Variants in TAF3 observed in about 807,000 individuals in gnomAD.
TAF3 encodes TATA-box binding protein associated factor 3, also known as transcription initiation factor TFIID subunit 3.
A neutral mutation model predicts 80.6 loss-of-function variants in TAF3; 7 were observed. That is an observed-to-expected ratio of 0.09 (90% CI 0.05 to 0.16). The LOEUF is 0.16. TAF3 is among the 10% of genes least tolerant of loss of function. TAF3 has a pLI of 1.00. For missense variants in TAF3, 921 were observed against 1,140.2 expected (o/e 0.81, Z 2.77); for synonymous variants, 444 against 446.1 (o/e 1.00, Z 0.06).
At chr10:8,006,226 A>G (rs1831992326) in intron 4 of TAF3, among the ~76,000 whole-genome samples, 1 of 144,970 alleles carries the variant, frequency 6.9e-6, no homozygotes. Context: ...ACACACACAA[A>G]TTAGCTGGGC....
chr10:7,951,449 G>A (rs565453569), intron 2 of TAF3, among the ~76,000 whole-genome samples: 6 of 152,244 alleles, frequency 3.9e-5, no homozygotes, highest in South Asian at 2.1e-4. Context: ...TCATCACCCC[G>A]CAGGCTAACC....
At chr10:7,864,815 A>G (rs565080612) in intron 2 of TAF3, among the ~76,000 whole-genome samples, 2 of 114,740 alleles carry the variant, frequency 1.7e-5, no homozygotes, top group South Asian at 6.2e-4. Context: ...AAGGAAATAT[A>G]GTTTATCTTT....
intron 2 of TAF3, among the ~76,000 whole-genome samples, chr10:7,906,959 T>C (rs1289926014): frequency 3.9e-5 from 6 of 151,968 alleles, no homozygotes; most frequent in Admixed American, 2.0e-4. Flanking sequence ...ATCTAAGACT[T>C]TGCATGTGAA....
intron 2 of TAF3, among the ~76,000 whole-genome samples, chr10:7,869,077 T>G (rs908286874): frequency 3.3e-5 from 5 of 152,222 alleles, no homozygotes; most frequent in African/African-American, 1.2e-4. Context: ...ATTTTGCTTG[T>G]TAATCTAAAG....
At chr10:7,864,508 G>A (rs1010813051) in intron 2 of TAF3, among the ~76,000 whole-genome samples, 4 of 152,150 alleles carry the variant, frequency 2.6e-5, no homozygotes, top group Non-Finnish European at 5.9e-5. Context: ...TAGTCACATT[G>A]CTATACAACA....
chr10:7,832,577 A>G (rs1836812383), intron 2 of TAF3, among the ~76,000 whole-genome samples: 1 of 152,012 alleles, frequency 6.6e-6, no homozygotes, highest in Non-Finnish European at 1.5e-5. Context: ...ACAGTCTCGC[A>G]CTGTCACCCA....
At chr10:7,876,614 A>T (rs1362156126) in intron 2 of TAF3, among the ~76,000 whole-genome samples, 1 of 152,200 alleles carries the variant, frequency 6.6e-6, no homozygotes, top group Non-Finnish European at 1.5e-5. Flanking sequence ...CCGTATACAG[A>T]ATCACGGGGG....
At chr10:7,852,000 T>C (rs905025887) in intron 2 of TAF3, among the ~76,000 whole-genome samples, 2 of 151,866 alleles carry the variant, frequency 1.3e-5, no homozygotes, top group African/African-American at 4.8e-5. Flanking sequence ...CCCAGGTTGG[T>C]CTTGAACTCT....
chr10:7,866,764 C>T (rs374165377), intron 2 of TAF3, among the ~76,000 whole-genome samples: 4 of 152,002 alleles, frequency 2.6e-5, no homozygotes, highest in African/African-American at 7.3e-5. Flanking sequence ...CAATTAGAGG[C>T]GAGTGTTAGG....
chr10:7,915,237 G>A (rs901905586), intron 2 of TAF3, among the ~76,000 whole-genome samples: 7 of 151,440 alleles, frequency 4.6e-5, no homozygotes, highest in East Asian at 2.0e-4. Flanking sequence ...GAGCCACTGC[G>A]CCTGGCCGCT....
At chr10:7,962,684 A>G (rs933283328) in intron 2 of TAF3, among the ~76,000 whole-genome samples, 2 of 152,186 alleles carry the variant, frequency 1.3e-5, no homozygotes, top group Non-Finnish European at 2.9e-5. Context: ...CAAACGCTGC[A>G]TAATTAATCA....
intron 3 of TAF3, among the ~76,000 whole-genome samples, chr10:7,971,719 A>G (rs1162998766): frequency 2.6e-5 from 4 of 152,042 alleles, no homozygotes; most frequent in African/African-American, 9.7e-5. Context: ...CTCTTGAGCG[A>G]TTTTCATTTT....
rs138531631 is a variant in TAF3, at chr10:8,014,555, A to C, written c.2676-82A>C. On this transcript the variant is annotated intron_variant, in intron 6 of 6. Transcript: ENST00000344293. ...TTCGGGTAAACATGTCATAGACTCT[A>C]AAAAATTACTTTAAAACATGGAAGG... 8.2e-4 allele frequency: 1,038 copies of C among 1,265,774 alleles called. 13 individuals carry two copies. In the East Asian group the frequency reaches 0.024, roughly 30 times the overall value. 78.4% of individuals were successfully genotyped at this position (1,265,774 alleles called of 1,614,324 possible). A position where few individuals can be genotyped will look rare whatever the true frequency, so the allele number is the denominator to read the frequency against.
At chr10:7,828,740 G>T (rs1288159913) in intron 2 of TAF3, among the ~76,000 whole-genome samples, 1 of 151,966 alleles carries the variant, frequency 6.6e-6, no homozygotes, top group African/African-American at 2.4e-5. Context: ...ATTTGCATAA[G>T]AAAGAAATAT....
At chr10:7,909,573 A>C (rs939658883) in intron 2 of TAF3, among the ~76,000 whole-genome samples, 10 of 152,246 alleles carry the variant, frequency 6.6e-5, no homozygotes, top group Non-Finnish European at 1.5e-4. Flanking sequence ...AGATGGAAGG[A>C]AGAGCCAAAT....
intron 4 of TAF3, among the ~76,000 whole-genome samples, chr10:8,008,326 C>G (rs937399251): frequency 1.3e-5 from 2 of 151,878 alleles, no homozygotes; most frequent in Non-Finnish European, 2.9e-5. Context: ...CTTGAACTCT[C>G]GACCTCAGGT....
chr10:7,876,158 G>A (rs1026142814), intron 2 of TAF3, among the ~76,000 whole-genome samples: 2 of 151,988 alleles, frequency 1.3e-5, no homozygotes, highest in African/African-American at 4.8e-5. Context: ...TTTGTGCGGT[G>A]TTTTATATTT....
intron 3 of TAF3, among the ~76,000 whole-genome samples, chr10:7,973,631 T>A (rs568124858): frequency 1.3e-5 from 2 of 152,322 alleles, no homozygotes; most frequent in Non-Finnish European, 2.9e-5. Context: ...GTTTGTTTTT[T>A]AAAAACCTTA....
At chr10:7,987,578 C>T (rs1251527662) in intron 4 of TAF3, among the ~76,000 whole-genome samples, 1 of 152,082 alleles carries the variant, frequency 6.6e-6, no homozygotes, top group African/African-American at 2.4e-5. Context: ...AGAATGTAAA[C>T]ATTTAAAATG....
Sources: allele counts gnomAD v4.1 joint callset (sites outside exome capture counted in the v4.1 genomes callset), GRCh38; gene constraint gnomAD v4.1.1; transcripts MANE v1.5; gene names NCBI Gene and HGNC (gene_info 2026-07-23, HGNC 2026-07-21).